The following SYCP2 variants were observed in gnomAD, a reference collection of about 807,000 sequenced individuals.
The protein encoded by SYCP2 is synaptonemal complex protein 2, also known as synaptonemal complex lateral element protein.
In SYCP2, 55 loss-of-function variants were observed where a neutral mutation model predicts 211.3. The ratio of observed to expected loss-of-function variants is 0.26; its 90% CI spans 0.21 to 0.33. SYCP2 has a LOEUF of 0.33. Among genes scored for constraint, SYCP2 ranks in the 10% least tolerant of loss-of-function variants. SYCP2 has a pLI of 1.00. For synonymous variants in SYCP2, 570 were observed against 555.2 expected, an observed-to-expected ratio of 1.03 and a Z score of -0.37; for missense variants, 1,731 against 1,752.0, an observed-to-expected ratio of 0.99 and a Z score of 0.21.
chr20:59,881,353 T>G, intron 29 of SYCP2, 84 bp downstream of exon 29: 1 of 747,976 alleles, frequency 1.3e-6, no homozygotes, highest in East Asian at 2.9e-5. Context: ...ACTCTTCTCA[T>G]TTGTTAAAAA....
intron 29 of SYCP2, 65 bp downstream of exon 29, chr20:59,881,372 A>T: frequency 1.2e-6 from 1 of 842,238 alleles, no homozygotes; most frequent in South Asian, 1.7e-5. Context: ...AAACTCTAAG[A>T]CTGGGAGGAG....
intron 23 of SYCP2, 48 bp from the exon 24 acceptor site, chr20:59,892,474 CAT>C (rs749532162): frequency 4.8e-6 from 7 of 1,464,422 alleles, no homozygotes; most frequent in African/African-American, 1.4e-5. Flanking sequence ...AATAAGTTGA[CAT>C]ATGTAAAATT....
chr20:59,901,960 C>A, intron 15 of SYCP2, 150 bp from the exon 16 acceptor site: 1 of 569,966 alleles, frequency 1.8e-6, no homozygotes, highest in East Asian at 3.3e-5. Flanking sequence ...TCTGGCACTA[C>A]TTACCTATGT....
Position 59,880,386 on chromosome 20 carries a change from C to G in SYCP2, c.2858G>C (p.Trp953Ser). ...RCDDSKTDISWLREPKSKPQL... is the reference protein window; with the variant it reads ...RCDDSKTDISSLREPKSKPQL... ...TGGTTTTGATTTCGGTTCTCTTAGCCAGCTAATATCAGTCTTGCTGTCATC... is the reference window on the plus strand; with the variant it reads ...TGGTTTTGATTTCGGTTCTCTTAGCGAGCTAATATCAGTCTTGCTGTCATC... The change falls in exon 31 of 45, where the codon TGG (tryptophan) becomes TCG (serine). Residue 953 changes from tryptophan to serine, a missense_variant. Around this residue, in one of 3 missense-constraint regions of SYCP2, gnomAD observed 1,387 missense variants for 1,351.3 expected, o/e 1.03. Transcript: ENST00000357552. 1 of 1,601,352 alleles carries G rather than the reference C, an allele frequency of 6.2e-7. No individual in the cohort carries two copies. Among genetic ancestry groups the G allele is most frequent in the Non-Finnish European group, 8.5e-7 (1 of 1,171,344 alleles).
At chr20:59,878,414 C>A (rs1369807716) in intron 31 of SYCP2, among the ~76,000 whole-genome samples, 1 of 152,092 alleles carries the variant, frequency 6.6e-6, no homozygotes, top group Non-Finnish European at 1.5e-5. Flanking sequence ...TAAAGTGTTT[C>A]TTATGATATG....
intron 20 of SYCP2, among the ~76,000 whole-genome samples, 153 bp downstream of exon 20, chr20:59,895,284 A>G (rs2059984898): frequency 1.3e-5 from 2 of 152,112 alleles, no homozygotes; most frequent in African/African-American, 4.8e-5. Context: ...TGCCAGAAGG[A>G]CCCTACTTTC....
chr20:59,922,387 T>C lies in SYCP2; in HGVS notation c.24+3A>G. The C allele has an allele frequency of 6.4e-7, 1 of 1,570,180 alleles. No individual in the cohort carries two copies. Among genetic ancestry groups the C allele is most frequent in the Non-Finnish European group, 8.6e-7 (1 of 1,164,736 alleles). On this transcript the variant is annotated splice_donor_region_variant and intron_variant, in intron 3 of 44. Coordinates refer to ENST00000357552, the MANE Select transcript of SYCP2 (RefSeq NM_014258.4). ...TACTTACTTTTGGTCTAGGACTACA[T>C]ACCTGGAGATCTGGTCTTATTGGCA...
At chr20:59,918,743 G>A (rs1600976385) in intron 7 of SYCP2, among the ~76,000 whole-genome samples, 2 of 152,108 alleles carry the variant, frequency 1.3e-5, no homozygotes, top group South Asian at 4.1e-4. Flanking sequence ...ATTATAGACA[G>A]GGATTAACAA....
chr20:59,868,421 A>T lies in SYCP2; in HGVS notation c.3980T>A (p.Ile1327Asn). Residue 1327 changes from isoleucine to asparagine, a missense_variant, in exon 38 of 45, where the codon ATC becomes AAC. By Grantham distance (149) the Ile-to-Asn change is moderately radical. Around this residue, in one of 3 missense-constraint regions of SYCP2, gnomAD observed 1,387 missense variants for 1,351.3 expected, o/e 1.03. Coordinates refer to ENST00000357552, the MANE Select transcript of SYCP2 (RefSeq NM_014258.4). The stretch of plus-strand genomic sequence containing the variant: ...GCTACTGATCTACCTACTTTTGTGG[A>T]TATGATGATCTGCATCTTCAATTTT... ...LCKIEDADHH[I>N]HKMSESVSSL... 1.2e-6 allele frequency: 2 copies of T among 1,609,898 alleles called. No individual in the cohort carries two copies. Among genetic ancestry groups the T allele is most frequent in the Non-Finnish European group, 1.7e-6 (2 of 1,177,990 alleles).
At chr20:59,919,437 GT>G in intron 6 of SYCP2, 55 bp downstream of exon 6, 1 of 1,328,030 alleles carries the variant, frequency 7.5e-7, no homozygotes, top group Non-Finnish European at 1.1e-6. Context: ...AACACAAATT[GT>G]TTTTTAAATA....
chr20:59,894,074 C>T (rs933204130), intron 20 of SYCP2, among the ~76,000 whole-genome samples: 1 of 152,036 alleles, frequency 6.6e-6, no homozygotes, highest in Admixed American at 6.6e-5. Flanking sequence ...ACCCAGGTAA[C>T]TTCTTTCCTA....
At chr20:59,914,966 G>A (rs973222425) in intron 10 of SYCP2, among the ~76,000 whole-genome samples, 199 bp downstream of exon 10, 1 of 151,904 alleles carries the variant, frequency 6.6e-6, no homozygotes, top group Non-Finnish European at 1.5e-5. Flanking sequence ...GGCACAAATT[G>A]TATGTATCTA....
intron 21 of SYCP2, 51 bp from the exon 22 acceptor site, chr20:59,893,250 G>A (rs2059942782): frequency 8.1e-7 from 1 of 1,229,490 alleles, no homozygotes; most frequent in African/African-American, 1.5e-5. Context: ...GCAGTTGGCA[G>A]GGGGATAGGG....
intron 42 of SYCP2, 54 bp from the exon 43 acceptor site, chr20:59,865,705 G>C: frequency 7.8e-7 from 1 of 1,279,934 alleles, no homozygotes; most frequent in Non-Finnish European, 1.1e-6. Context: ...TCAAATTAGA[G>C]TGCTATAATA....
chr20:59,886,917 A>C (rs2059799832), intron 24 of SYCP2, 83 bp from the exon 25 acceptor site: 2 of 1,119,472 alleles, frequency 1.8e-6, no homozygotes, highest in South Asian at 3.1e-5. Flanking sequence ...CTTTTAAGAT[A>C]AATCTGGTTC....
At chr20:59,928,731 T>C (rs1039263768) in intron 2 of SYCP2, among the ~76,000 whole-genome samples, 2 of 152,190 alleles carry the variant, frequency 1.3e-5, no homozygotes, top group South Asian at 2.1e-4. Context: ...AACTGGTCAA[T>C]AAATGGTCTG....
intron 7 of SYCP2, among the ~76,000 whole-genome samples, chr20:59,917,267 C>T (rs1262726001): frequency 6.6e-6 from 1 of 152,056 alleles, no homozygotes; most frequent in Non-Finnish European, 1.5e-5. Context: ...CACATCTTAA[C>T]CCCAATGAAG....
intron 38 of SYCP2, among the ~76,000 whole-genome samples, 193 bp downstream of exon 38, chr20:59,868,220 G>A (rs1399576658): frequency 6.6e-6 from 1 of 151,624 alleles, no homozygotes; most frequent in African/African-American, 2.4e-5. Context: ...GAATGATGAG[G>A]GAGATCTATG....
intron 10 of SYCP2, 112 bp from the exon 11 acceptor site, chr20:59,914,363 G>A: frequency 5.8e-6 from 3 of 519,186 alleles, no homozygotes; most frequent in Non-Finnish European, 6.4e-6. Context: ...ATATATTAAT[G>A]TAATTGATTA....
Sources: gnomAD v4.1 joint callset for allele counts (sites outside exome capture counted in the v4.1 genomes callset) on GRCh38, gnomAD v4.1.1 for gene constraint, gnomAD v4.1.1 regional missense constraint, MANE v1.5 for transcripts, NCBI Gene and HGNC (gene_info 2026-07-23, HGNC 2026-07-21) for gene names.